The following MROH7 variants were observed in gnomAD, a reference collection of about 807,000 sequenced individuals.
MROH7 encodes maestro heat like repeat family member 7.
In MROH7, 113 loss-of-function variants were observed where a neutral mutation model predicts 129.2. That is an observed-to-expected ratio of 0.87 (90% CI 0.75 to 1.02). The LOEUF (loss-of-function observed/expected upper bound fraction) is 1.02. Ranked by LOEUF, MROH7 falls within the 50% of genes least tolerant of loss-of-function variation. The pLI is 0.00. For synonymous variants in MROH7, 655 were observed against 667.9 expected, an observed-to-expected ratio of 0.98 and a Z score of 0.30; for missense variants, 1,601 against 1,671.3, an observed-to-expected ratio of 0.96 and a Z score of 0.73.
At chr1:54,667,779 AAAAAAAATC>A (rs1644835415) in intron 4 of MROH7, among the ~76,000 whole-genome samples, 1 of 151,744 alleles carries the variant, frequency 6.6e-6, no homozygotes, top group African/African-American at 2.4e-5. Context: ...AAGTAAAAAA[AAAAAAAATC>A]AGCTGGGCAT....
intron 3 of MROH7, among the ~76,000 whole-genome samples, chr1:54,654,840 C>T (rs562896110): frequency 1.3e-5 from 2 of 152,250 alleles, no homozygotes; most frequent in East Asian, 1.9e-4. Context: ...TGTCTGGAAC[C>T]TGTGCCTCCC....
chr1:54,680,927 C>T (rs1645059780), intron 13 of MROH7, among the ~76,000 whole-genome samples: 1 of 152,146 alleles, frequency 6.6e-6, no homozygotes, highest in African/African-American at 2.4e-5. Context: ...TAAACCCTTT[C>T]TGGCTGTACT....
intron 11 of MROH7, 35 bp from the exon 12 acceptor site, chr1:54,679,228 A>G: frequency 6.2e-7 from 1 of 1,612,052 alleles, no homozygotes; most frequent in South Asian, 1.1e-5. Context: ...CGGGCTACCC[A>G]TCAGTGTGTC....
chr1:54,708,958 T>C, intron 22 of MROH7, 56 bp from the exon 23 acceptor site: 2 of 1,163,314 alleles, frequency 1.7e-6, no homozygotes, highest in African/African-American at 2.3e-5. Context: ...AAGGGTGGGT[T>C]GGGGTGGGGT....
Position 54,702,085 on chromosome 1 carries a change from C to A in MROH7, c.3286-5C>A. ...GACCCCCTCTGAGCCTTTGGTCTTCCCCAGGCACGAGAGGTCGTGCGCTCC... is the reference window on the plus strand; with the variant it reads ...GACCCCCTCTGAGCCTTTGGTCTTCACCAGGCACGAGAGGTCGTGCGCTCC... On this transcript the variant is annotated splice_region_variant and splice_polypyrimidine_tract_variant and intron_variant, in intron 19 of 23. Coordinates refer to ENST00000421030, the MANE Select transcript of MROH7 (RefSeq NM_001039464.4). 1 of 1,585,704 alleles carries A rather than the reference C, an allele frequency of 6.3e-7. No individual in the cohort carries two copies. Among genetic ancestry groups the A allele is most frequent in the Non-Finnish European group, 8.6e-7 (1 of 1,164,480 alleles).
chr1:54,693,986 A>G (rs1645280578), intron 16 of MROH7, among the ~76,000 whole-genome samples: 1 of 152,092 alleles, frequency 6.6e-6, no homozygotes, highest in African/African-American at 2.4e-5. Context: ...GGTTCAAGCG[A>G]TTCTCCTGCC....
At chr1:54,660,417 A>G (rs1016348866) in intron 3 of MROH7, among the ~76,000 whole-genome samples, 4 of 152,220 alleles carry the variant, frequency 2.6e-5, no homozygotes, top group Non-Finnish European at 5.9e-5. Flanking sequence ...GGGGACACAA[A>G]TATTCAAACC....
Position 54,686,351 on chromosome 1 carries a change from C to T in MROH7, c.2614C>T (p.Gln872Ter), listed in dbSNP as rs772890691. 76 of 1,614,092 alleles carry T rather than the reference C, an allele frequency of 4.7e-5. No individual in the cohort carries two copies. The highest frequency in any genetic ancestry group is 5.9e-6 in the Non-Finnish European group (7 of 1,180,044). Residue 872 changes from glutamine to a stop codon, truncating the protein, a stop_gained, in exon 15 of 24, where the codon CAG (glutamine) becomes TAG (stop). Transcript: ENST00000421030. LOFTEE classifies it high-confidence loss of function. ...YPQLLLALLI[Q>*]VHYHIGLNLP... Reference sequence around the variant, plus strand: ...TCAGCTGCTCCTGGCCCTGCTCATTCAGGTCCATTACCACATCGGCCTCAA... The same window carrying T: ...TCAGCTGCTCCTGGCCCTGCTCATTTAGGTCCATTACCACATCGGCCTCAA...
intron 6 of MROH7, 52 bp downstream of exon 6, chr1:54,670,628 C>A: frequency 6.5e-7 from 1 of 1,548,404 alleles, no homozygotes; most frequent in Non-Finnish European, 8.8e-7. Flanking sequence ...TCTTCCTCCA[C>A]TTCTGCCTCC....
rs764255872 is a variant in MROH7 at position 54,700,314 on chromosome 1, C to T, written c.2965-7C>T. 1 of 1,614,080 alleles carries T rather than the reference C, an allele frequency of 6.2e-7. No homozygotes were observed. The highest frequency in any genetic ancestry group is 2.2e-5 in the East Asian group (1 of 44,872). On this transcript the variant is annotated splice_region_variant and splice_polypyrimidine_tract_variant and intron_variant, in intron 17 of 23. Transcript: ENST00000421030. ...GCCTGGGAAGTAATGACCCTTTGCTCCCTCAGCTCCTCCAGATGGAGCAGG... is the reference window on the plus strand; with the variant it reads ...GCCTGGGAAGTAATGACCCTTTGCTTCCTCAGCTCCTCCAGATGGAGCAGG...
rs1294272764 is a variant in MROH7, at chr1:54,697,649, A to G, written c.2964+2159A>G. The G allele has an allele frequency of 5.7e-6, 4 of 703,136 alleles. No homozygotes were observed. In the African/African-American group the frequency reaches 7.0e-5, roughly 12 times the overall value. The allele number at this position is 703,136 out of a possible 1,614,324, so 43.6% of individuals were successfully genotyped here. Reference sequence around the variant, plus strand: ...TTCAAATGTTATTTCACTAATCTGCACAGCAACCCTGCGAAGAAGGAATTG... The same window carrying G: ...TTCAAATGTTATTTCACTAATCTGCGCAGCAACCCTGCGAAGAAGGAATTG... On this transcript the variant is annotated intron_variant, in intron 17 of 23. Coordinates refer to ENST00000421030, the MANE Select transcript of MROH7 (RefSeq NM_001039464.4).
chr1:54,694,671 T>C (rs113915460), intron 16 of MROH7, among the ~76,000 whole-genome samples: 2,319 of 152,274 alleles, frequency 0.015, 52 homozygotes, highest in African/African-American at 0.054. Flanking sequence ...GGTTTTACCA[T>C]GTTGACCAGG....
intron 1 of MROH7, among the ~76,000 whole-genome samples, chr1:54,644,485 G>A (rs1644433074): frequency 6.6e-6 from 1 of 151,970 alleles, no homozygotes; most frequent in Non-Finnish European, 1.5e-5. Context: ...TGGGATTAGA[G>A]GTGCCCACCA....
In MROH7 at chr1:54,666,316, T is replaced by G. The variant is rs114074087; in HGVS notation, c.1305+1076T>G. Among the ~76,000 whole-genome samples the G allele has an allele frequency of 3.9e-3, 588 of 152,206 alleles. 3 individuals carry two copies. Among genetic ancestry groups the G allele is most frequent in the African/African-American group, 0.013 (559 of 41,514 alleles). On this transcript the variant is annotated intron_variant, in intron 4 of 23. Transcript: ENST00000421030. ...TACACGGAGAGAAGCACAGAGTGAT[T>G]ACCTGCCCCCCAATGAGGGCTCAGA...
In MROH7 at chr1:54,653,298, C is replaced by T. The variant is rs776964535; in HGVS notation, c.372C>T (p.Ala124=). Reference sequence around the variant, plus strand: ...ACTCACAGGGGCGCCTCTGTCCAGCCTCAAACCCCATTCTGAGCCCTAGCT... The same window carrying T: ...ACTCACAGGGGCGCCTCTGTCCAGCTTCAAACCCCATTCTGAGCCCTAGCT... The part of the protein sequence containing the change: ...RPDSQGRLCP[A]SNPILSPSST... The change falls in exon 3 of 24, where the codon GCC becomes GCT. Residue 124 remains alanine (A), a synonymous_variant. Coordinates refer to ENST00000421030, the MANE Select transcript of MROH7 (RefSeq NM_001039464.4). 4.3e-6 allele frequency: 7 copies of T among 1,614,176 alleles called. No homozygotes were observed. In the East Asian group the frequency reaches 6.7e-5, roughly 15 times the overall value.
At chr1:54,663,882 T>G (rs867158270) in intron 3 of MROH7, 3 of 420,452 alleles carry the variant, frequency 7.1e-6, no homozygotes, top group Middle Eastern at 4.9e-4. Flanking sequence ...TTGGCTGTGT[T>G]CACTACAATT....
chr1:54,694,615 C>T (rs192728429), intron 16 of MROH7, among the ~76,000 whole-genome samples: 151 of 152,262 alleles, frequency 9.9e-4, no homozygotes, highest in African/African-American at 3.5e-3. Context: ...TTCAGGCATG[C>T]GCCACCACAC....
chr1:54,685,637 C>T (rs1182015591), intron 14 of MROH7, among the ~76,000 whole-genome samples: 2 of 152,180 alleles, frequency 1.3e-5, no homozygotes, highest in Admixed American at 1.3e-4. Context: ...GAGAAGTTGC[C>T]CCAGGTCACC....
At chr1:54,682,822 T>A (rs1645091459) in intron 14 of MROH7, 28 bp downstream of exon 14, 6 of 1,603,176 alleles carry the variant, frequency 3.7e-6, no homozygotes, top group Non-Finnish European at 5.1e-6. Flanking sequence ...CAGCCCCTAT[T>A]GCTGCCTGTC....
Sources: allele counts gnomAD v4.1 joint callset (sites outside exome capture counted in the v4.1 genomes callset), GRCh38; gene constraint gnomAD v4.1.1; transcripts MANE v1.5; gene names NCBI Gene and HGNC (gene_info 2026-07-23, HGNC 2026-07-21).